Variants in WWOX observed in about 807,000 individuals in gnomAD.
WWOX encodes WW domain-containing oxidoreductase.
WWOX carries 69 observed loss-of-function variants against 46.2 expected under a neutral mutation model. The ratio of observed to expected loss-of-function variants is 1.49; its 90% CI spans 1.23 to 1.82. The LOEUF (loss-of-function observed/expected upper bound fraction) is 1.82, where lower values mean the gene tolerates loss of function less well. WWOX is among the 40% of genes most tolerant of loss of function. The pLI is 0.00. For missense variants in WWOX, 919 were observed against 542.6 expected, an observed-to-expected ratio of 1.69 and a Z score of -6.89; for synonymous variants, 359 against 202.6, an observed-to-expected ratio of 1.77 and a Z score of -6.56.
At chr16:78,654,424 A>G (rs2047035751) in intron 8 of WWOX, among the ~76,000 whole-genome samples, 1 of 152,204 alleles carries the variant, frequency 6.6e-6, no homozygotes, top group Admixed American at 6.5e-5. Context: ...CTCTATTGAA[A>G]ATGTTAGCAA....
At chr16:78,875,264 C>G (rs1013677084) in intron 8 of WWOX, among the ~76,000 whole-genome samples, 1 of 152,128 alleles carries the variant, frequency 6.6e-6, no homozygotes, top group Non-Finnish European at 1.5e-5. Flanking sequence ...CTACCACTCC[C>G]AGTAAATCAA....
chr16:78,574,875 A>G (rs969963930), intron 8 of WWOX, among the ~76,000 whole-genome samples: 1 of 149,040 alleles, frequency 6.7e-6, no homozygotes, highest in African/African-American at 2.5e-5. Flanking sequence ...CTGGAGATCT[A>G]ATGTACAGCA....
chr16:78,359,424 C>T (rs1364521122), intron 5 of WWOX, among the ~76,000 whole-genome samples: 3 of 152,052 alleles, frequency 2.0e-5, no homozygotes, highest in Admixed American at 6.6e-5. Flanking sequence ...ATCATGAGAG[C>T]CCCCAAATTG....
chr16:78,876,692 C>G (rs575564460), intron 8 of WWOX, among the ~76,000 whole-genome samples: 1 of 152,144 alleles, frequency 6.6e-6, no homozygotes, highest in East Asian at 1.9e-4. Flanking sequence ...CAGAACAGCC[C>G]AGTTAGGGTA....
At chr16:79,070,476 G>T (rs1042266207) in intron 8 of WWOX, among the ~76,000 whole-genome samples, 7 of 152,152 alleles carry the variant, frequency 4.6e-5, no homozygotes, top group African/African-American at 1.7e-4. Flanking sequence ...ACTCACCACC[G>T]ATGGAAAATT....
chr16:79,033,336 A>T (rs1008376419), intron 8 of WWOX, among the ~76,000 whole-genome samples: 6 of 148,796 alleles, frequency 4.0e-5, no homozygotes, highest in African/African-American at 1.5e-4. Context: ...TATTATATAT[A>T]TTACATATAC....
At chr16:78,570,944 G>A (rs2044701330) in intron 8 of WWOX, among the ~76,000 whole-genome samples, 1 of 152,150 alleles carries the variant, frequency 6.6e-6, no homozygotes, top group Non-Finnish European at 1.5e-5. Flanking sequence ...TTGGGTAGAA[G>A]GAACAGAAAG....
chr16:78,227,169 T>G (rs898655880), intron 5 of WWOX, among the ~76,000 whole-genome samples: 13 of 152,228 alleles, frequency 8.5e-5, no homozygotes, highest in African/African-American at 3.1e-4. Flanking sequence ...CTCTTTCCTG[T>G]TCATTACTCT....
intron 8 of WWOX, among the ~76,000 whole-genome samples, chr16:79,001,036 C>G (rs1338621328): frequency 3.3e-5 from 5 of 152,132 alleles, no homozygotes; most frequent in Non-Finnish European, 5.9e-5. Context: ...TGAGTGAATG[C>G]AGGAAGGAGT....
At chr16:78,342,197 C>A (rs181083031) in intron 5 of WWOX, among the ~76,000 whole-genome samples, 1 of 121,278 alleles carries the variant, frequency 8.2e-6, no homozygotes, top group Non-Finnish European at 2.0e-5. Flanking sequence ...TGGAGGGGAC[C>A]TTTCTGGGGT....
intron 8 of WWOX, among the ~76,000 whole-genome samples, chr16:78,870,684 C>T (rs1476372175): frequency 1.3e-5 from 2 of 152,182 alleles, no homozygotes; most frequent in African/African-American, 4.8e-5. Flanking sequence ...TCACGGCAAC[C>T]TCTGCCTCCT....
intron 8 of WWOX, among the ~76,000 whole-genome samples, chr16:78,863,206 C>A (rs558053861): frequency 2.0e-5 from 3 of 152,276 alleles, no homozygotes; most frequent in Admixed American, 2.0e-4. Context: ...GATCCACCCG[C>A]CTTGGCCTCC....
intron 8 of WWOX, among the ~76,000 whole-genome samples, chr16:78,469,444 A>G (rs1358861701): frequency 3.3e-5 from 5 of 152,184 alleles, no homozygotes; most frequent in African/African-American, 9.7e-5. Context: ...CAACAAGGAG[A>G]CTAGTGTTCT....
At chr16:79,124,078 G>A (rs922117783) in intron 8 of WWOX, among the ~76,000 whole-genome samples, 1 of 151,758 alleles carries the variant, frequency 6.6e-6, no homozygotes, top group African/African-American at 2.4e-5. Flanking sequence ...CGGAGCACTC[G>A]TGCTCTGAAA....
At chr16:78,849,685 T>G (rs751055825) in intron 8 of WWOX, among the ~76,000 whole-genome samples, 3 of 152,078 alleles carry the variant, frequency 2.0e-5, no homozygotes, top group Admixed American at 6.5e-5. Context: ...TATGGTTGTT[T>G]CCCTCCCTAG....
intron 6 of WWOX, among the ~76,000 whole-genome samples, chr16:78,390,759 C>A (rs550405923): frequency 1.1e-3 from 166 of 152,288 alleles, no homozygotes; most frequent in African/African-American, 3.8e-3. Context: ...TATCACCCCC[C>A]ATCTTCAGAC....
chr16:78,467,010 C>T (rs1328809444), intron 8 of WWOX, among the ~76,000 whole-genome samples: 2 of 152,158 alleles, frequency 1.3e-5, no homozygotes, highest in East Asian at 3.9e-4. Flanking sequence ...TTCACAGAGC[C>T]ATGGGGACAC....
At chr16:78,181,294 G>T (rs370533861) in intron 5 of WWOX, among the ~76,000 whole-genome samples, 3 of 152,084 alleles carry the variant, frequency 2.0e-5, no homozygotes, top group Non-Finnish European at 4.4e-5. Flanking sequence ...TGTGTGTGTG[G>T]GGGTGTTGAT....
chr16:78,546,345 A>G (rs992362165), intron 8 of WWOX, among the ~76,000 whole-genome samples: 4 of 152,140 alleles, frequency 2.6e-5, no homozygotes, highest in Admixed American at 2.0e-4. Context: ...TAGTGTGATC[A>G]GAACTTTAAG....
Sources: allele counts gnomAD v4.1 joint callset (sites outside exome capture counted in the v4.1 genomes callset), GRCh38; gene constraint gnomAD v4.1.1; transcripts MANE v1.5; gene names NCBI Gene and HGNC (gene_info 2026-07-23, HGNC 2026-07-21).